The following WHRN variants were observed in gnomAD, a reference collection of about 807,000 sequenced individuals.
The protein encoded by WHRN is whirlin.
In WHRN, 41 loss-of-function variants were observed where a neutral mutation model predicts 68.3. That is an observed-to-expected ratio of 0.60 (90% confidence interval 0.47 to 0.78). The LOEUF (loss-of-function observed/expected upper bound fraction) is 0.78, where lower values mean the gene tolerates loss of function less well. Among genes scored for constraint, WHRN ranks in the 30% least tolerant of loss-of-function variants. The pLI is 0.00. For missense variants in WHRN, 1,243 were observed against 1,244.7 expected, an observed-to-expected ratio of 1.00 and a Z score of 0.02; for synonymous variants, 560 against 561.3, an observed-to-expected ratio of 1.00 and a Z score of 0.03.
At chr9:114,416,148 A>G (rs756217438) in intron 7 of WHRN, among the ~76,000 whole-genome samples, 8 of 152,310 alleles carry the variant, frequency 5.3e-5, no homozygotes, top group Non-Finnish European at 1.2e-4. Context: ...TGTCCCCAGC[A>G]TCCTTGGGCA....
At chr9:114,424,276 G>A in intron 6 of WHRN, 58 bp downstream of exon 6, 2 of 1,588,852 alleles carry the variant, frequency 1.3e-6, no homozygotes, top group African/African-American at 2.7e-5. Context: ...GCGGGGGCAG[G>A]GCAGGATGCA....
chr9:114,477,500 T>C (rs10817621), intron 2 of WHRN, among the ~76,000 whole-genome samples: 12,810 of 152,118 alleles, frequency 0.084, 830 homozygotes, highest in East Asian at 0.34. Context: ...GGGACATCTA[T>C]TGGTGTCCCT....
At chr9:114,478,106 G>T (rs1365117663) in intron 2 of WHRN, among the ~76,000 whole-genome samples, 2 of 145,110 alleles carry the variant, frequency 1.4e-5, no homozygotes, top group Non-Finnish European at 3.0e-5. Flanking sequence ...ACATGACGGA[G>T]AAAAAAAAAA....
At chr9:114,439,200 T>C (rs1218150631) in intron 3 of WHRN, among the ~76,000 whole-genome samples, 1 of 152,210 alleles carries the variant, frequency 6.6e-6, no homozygotes, top group Non-Finnish European at 1.5e-5. Flanking sequence ...TTTGTATAGT[T>C]TTGATGTTTT....
chr9:114,414,201 A>C (rs537632942), intron 7 of WHRN, among the ~76,000 whole-genome samples: 1 of 152,202 alleles, frequency 6.6e-6, no homozygotes, highest in Non-Finnish European at 1.5e-5. Context: ...TTCACGTCAC[A>C]TTCCAGCTGC....
intron 4 of WHRN, 129 bp from the exon 5 acceptor site, chr9:114,425,153 C>T: frequency 1.1e-6 from 1 of 928,168 alleles, no homozygotes; most frequent in East Asian, 2.4e-5. Context: ...CCTCCACTCG[C>T]TGCCAGTTCA....
chr9:114,486,676 T>C (rs1330008568), intron 1 of WHRN, among the ~76,000 whole-genome samples: 2 of 151,896 alleles, frequency 1.3e-5, no homozygotes, highest in Non-Finnish European at 2.9e-5. Context: ...ACATGGAATT[T>C]GGAGAGACAA....
At chr9:114,405,371 T>C (rs1381534696) in intron 9 of WHRN, among the ~76,000 whole-genome samples, 1 of 152,190 alleles carries the variant, frequency 6.6e-6, no homozygotes, top group Non-Finnish European at 1.5e-5. Flanking sequence ...CCACTGCACC[T>C]AGCCAGAAAT....
Position 114,423,447 on chromosome 9 carries a change from C to T in WHRN, c.1493G>A (p.Arg498His), listed in dbSNP as rs753082098. 4.4e-5 allele frequency: 71 copies of T among 1,613,968 alleles called. No individual in the cohort carries two copies. The South Asian group carries it at 5.2e-4, about 12-fold the overall frequency. Residue 498 changes from arginine to histidine, a missense_variant, in exon 7 of 12, where the codon CGT (arginine) becomes CAT (histidine). Coordinates refer to ENST00000362057, the MANE Select transcript of WHRN (RefSeq NM_015404.4). ...LERFDHLVLR[R>H]EIESMKARQP... ...CCGCGCCTTCATGGACTCAATCTCA[C>T]GCCTCAGCACCAGGTGGTCGAAGCG... is the stretch of plus-strand genomic sequence containing the variant.
chr9:114,442,562 C>G (rs1564159273), intron 3 of WHRN, among the ~76,000 whole-genome samples: 1 of 152,196 alleles, frequency 6.6e-6, no homozygotes, highest in Non-Finnish European at 1.5e-5. Flanking sequence ...CCCAGTGTTG[C>G]AGGTGGGCCT....
At chr9:114,497,529 A>G (rs1347697610) in intron 1 of WHRN, among the ~76,000 whole-genome samples, 1 of 150,136 alleles carries the variant, frequency 6.7e-6, no homozygotes, top group East Asian at 2.0e-4. Flanking sequence ...AAAAAAAAAG[A>G]AAAGGAAAAA....
chr9:114,474,033 T>G (rs1265971999), intron 2 of WHRN, among the ~76,000 whole-genome samples: 4 of 152,110 alleles, frequency 2.6e-5, no homozygotes, highest in Non-Finnish European at 5.9e-5. Context: ...CCCTGGGTCT[T>G]CCTTCCTTCT....
chr9:114,448,941 G>A (rs950945606), intron 3 of WHRN, among the ~76,000 whole-genome samples: 1 of 152,110 alleles, frequency 6.6e-6, no homozygotes, highest in South Asian at 2.1e-4. Flanking sequence ...GTGGTTATGC[G>A]GCCACAAGAA....
At chr9:114,485,968 C>G (rs557508104) in intron 1 of WHRN, among the ~76,000 whole-genome samples, 1 of 151,912 alleles carries the variant, frequency 6.6e-6, no homozygotes, top group Non-Finnish European at 1.5e-5. Context: ...GAGCTATGAT[C>G]GAGCCACTGC....
chr9:114,453,822 A>G (rs1839544245), intron 3 of WHRN, among the ~76,000 whole-genome samples: 1 of 152,208 alleles, frequency 6.6e-6, no homozygotes, highest in Non-Finnish European at 1.5e-5. Flanking sequence ...TCATTTTGTG[A>G]AGCCAGCATT....
rs1554747807 is a variant in WHRN at position 114,504,788 on chromosome 9, A to T, written c.14T>A (p.Leu5Gln). The change falls in exon 1 of 12, where the codon CTG becomes CAG. Residue 5 changes from leucine (L) to glutamine (Q), a missense_variant. Transcript: ENST00000362057. MNAP[L>Q]DGLSVSSSST... ...GGACGAGCTCACCGACAGGCCGTCC[A>T]GCGGCGCGTTCATCTCCACGCCGAG... The T allele has an allele frequency of 2.1e-6, 3 of 1,457,100 alleles. No individual in the cohort carries two copies. Among genetic ancestry groups the T allele is most frequent in the Non-Finnish European group, 2.7e-6 (3 of 1,118,076 alleles). 90.3% of individuals were successfully genotyped at this position (1,457,100 alleles called of 1,614,324 possible). A position where few individuals can be genotyped will look rare whatever the true frequency, so the allele number is the denominator to read the frequency against.
At chr9:114,490,338 G>A (rs1054609396) in intron 1 of WHRN, among the ~76,000 whole-genome samples, 6 of 152,242 alleles carry the variant, frequency 3.9e-5, no homozygotes, top group Non-Finnish European at 5.9e-5. Context: ...GGCCAGGGGA[G>A]ATGGCAGAGA....
chr9:114,404,003 C>T lies in WHRN; in HGVS notation c.2311G>A (p.Ala771Thr), dbSNP rs1427471858. The T allele has an allele frequency of 6.2e-7, 1 of 1,613,038 alleles. No individual in the cohort carries two copies. Among genetic ancestry groups the T allele is most frequent in the Non-Finnish European group, 8.5e-7 (1 of 1,180,030 alleles). Residue 771 changes from alanine (A) to threonine (T), a missense_variant, in exon 10 of 12, where the codon GCA (alanine) becomes ACA (threonine). Coordinates refer to ENST00000362057, the MANE Select transcript of WHRN (RefSeq NM_015404.4). The part of the protein sequence containing the change: ...SEDSGVDAGE[A>T]EASAPGRGRQ... Reference sequence around the variant, plus strand: ...CCTCGGCCTGGGGCGCTGGCCTCTGCCTCGCCAGCATCCACACCACTGTCC... The same window carrying T: ...CCTCGGCCTGGGGCGCTGGCCTCTGTCTCGCCAGCATCCACACCACTGTCC...
At chr9:114,478,467 G>T in intron 2 of WHRN, 86 bp downstream of exon 2, 1 of 1,446,270 alleles carries the variant, frequency 6.9e-7, no homozygotes, top group South Asian at 1.1e-5. Flanking sequence ...GCCTCTTCTT[G>T]CGGCCTCCAA....
Sources: gnomAD v4.1 joint callset for allele counts (sites outside exome capture counted in the v4.1 genomes callset) on GRCh38, gnomAD v4.1.1 for gene constraint, MANE v1.5 for transcripts, NCBI Gene and HGNC (gene_info 2026-07-23, HGNC 2026-07-21) for gene names.